The following CNTNAP2 variants were observed in gnomAD, a reference collection of about 807,000 sequenced individuals.
CNTNAP2 encodes the protein contactin-associated protein-like 2.
CNTNAP2 carries 98 observed loss-of-function variants against 155.2 expected under a neutral mutation model. The observed-to-expected ratio is 0.63, with a 90% confidence interval of 0.54 to 0.75. The LOEUF is 0.75. Among genes scored for constraint, CNTNAP2 ranks in the 30% least tolerant of loss-of-function variants. The probability of loss-of-function intolerance (pLI) is 0.00; values close to 1 mark genes in which losing one functional copy is unlikely to be tolerated. For missense variants in CNTNAP2, 1,727 were observed against 1,688.1 expected (o/e 1.02, Z -0.40); for synonymous variants, 651 against 631.2 (o/e 1.03, Z -0.47).
chr7:148,165,669 A>G (rs1805641347), intron 17 of CNTNAP2, among the ~76,000 whole-genome samples: 1 of 152,196 alleles, frequency 6.6e-6, no homozygotes. Context: ...GGACCTGGGA[A>G]GCTCACATGC....
chr7:148,062,318 G>A (rs761601429), intron 15 of CNTNAP2, among the ~76,000 whole-genome samples: 3 of 152,040 alleles, frequency 2.0e-5, no homozygotes, highest in Non-Finnish European at 4.4e-5. Flanking sequence ...ACTGAATTAT[G>A]GCAAGCGATT....
At chr7:146,780,667 A>G (rs982385730) in intron 2 of CNTNAP2, among the ~76,000 whole-genome samples, 1 of 152,114 alleles carries the variant, frequency 6.6e-6, no homozygotes, top group Admixed American at 6.5e-5. Context: ...TGTGGGACAT[A>G]TACACCACGG....
intron 13 of CNTNAP2, among the ~76,000 whole-genome samples, chr7:147,639,999 G>A (rs1795247055): frequency 6.6e-6 from 1 of 151,996 alleles, no homozygotes. Flanking sequence ...GCATCTCTGT[G>A]TCTGTAGTAA....
In CNTNAP2 at chr7:146,776,949, G is replaced by T. The variant is rs59134536; in HGVS notation, c.208+2568G>T. ...TACTTTCCTTATAGTAGTTTTGTCT[G>T]TAGTTTGTAGAATATATATTTATAT... On this transcript the variant is annotated intron_variant, in intron 2 of 23. Transcript: ENST00000361727. Among the ~76,000 whole-genome samples the T allele has an allele frequency of 5.5e-3, 832 of 152,196 alleles. 8 individuals carry two copies. The highest frequency in any genetic ancestry group is 0.019 in the African/African-American group (793 of 41,530).
At chr7:147,397,518 TTC>T (rs1188666556) in intron 10 of CNTNAP2, among the ~76,000 whole-genome samples, 3 of 152,060 alleles carry the variant, frequency 2.0e-5, no homozygotes, top group African/African-American at 7.2e-5. Context: ...ATGTTGCTGT[TTC>T]TCTCTAAACA....
intron 14 of CNTNAP2, among the ~76,000 whole-genome samples, chr7:147,914,006 T>G (rs1287956609): frequency 6.6e-6 from 1 of 151,182 alleles, no homozygotes; most frequent in Non-Finnish European, 1.5e-5. Flanking sequence ...TGTACCATCT[T>G]AAAAAAAATA....
chr7:147,365,077 C>A (rs1796205262), intron 9 of CNTNAP2, among the ~76,000 whole-genome samples: 1 of 152,026 alleles, frequency 6.6e-6, no homozygotes, highest in African/African-American at 2.4e-5. Context: ...TCTTTAATTT[C>A]TATTCTTTAC....
At chr7:147,092,982 G>C (rs1362588487) in intron 4 of CNTNAP2, among the ~76,000 whole-genome samples, 1 of 151,962 alleles carries the variant, frequency 6.6e-6, no homozygotes, top group East Asian at 1.9e-4. Context: ...CAGCACTTTG[G>C]GAGGCCGAGG....
intron 16 of CNTNAP2, among the ~76,000 whole-genome samples, chr7:148,145,065 G>T (rs932392153): frequency 6.6e-6 from 1 of 152,110 alleles, no homozygotes; most frequent in Non-Finnish European, 1.5e-5. Flanking sequence ...CCCTTTCCTT[G>T]GCTCTCACAG....
chr7:147,675,921 C>T (rs2215154), intron 13 of CNTNAP2, among the ~76,000 whole-genome samples: 2,492 of 152,018 alleles, frequency 0.016, 219 homozygotes, highest in Admixed American at 0.15. Context: ...TTAAAAATAA[C>T]GATATTTTAA....
chr7:147,547,877 T>C (rs560928994), intron 11 of CNTNAP2, among the ~76,000 whole-genome samples: 92 of 152,188 alleles, frequency 6.0e-4, no homozygotes, highest in Non-Finnish European at 9.7e-4. Flanking sequence ...TCTTTTCCTG[T>C]GTTAGTTTGC....
chr7:147,279,755 T>A (rs960195341), intron 8 of CNTNAP2, among the ~76,000 whole-genome samples: 1 of 151,852 alleles, frequency 6.6e-6, no homozygotes, highest in Non-Finnish European at 1.5e-5. Context: ...AAGTCAACAT[T>A]GACTTGAACC....
intron 1 of CNTNAP2, among the ~76,000 whole-genome samples, chr7:146,162,234 A>G (rs1394821739): frequency 6.6e-6 from 1 of 152,230 alleles, no homozygotes; most frequent in Non-Finnish European, 1.5e-5. Flanking sequence ...CAAGCTACAG[A>G]ATGGGAGAAA....
intron 14 of CNTNAP2, among the ~76,000 whole-genome samples, chr7:147,926,235 C>G (rs1800395959): frequency 6.6e-6 from 1 of 152,170 alleles, no homozygotes; most frequent in African/African-American, 2.4e-5. Context: ...CTCCACACCT[C>G]TCCCCACGCC....
intron 1 of CNTNAP2, among the ~76,000 whole-genome samples, chr7:146,622,976 G>C (rs1159169110): frequency 7.0e-6 from 1 of 142,998 alleles, no homozygotes; most frequent in Non-Finnish European, 1.5e-5. Flanking sequence ...AAAGAAAAAA[G>C]AAAAAAGAAA....
chr7:148,146,618 A>G (rs1447729624), intron 16 of CNTNAP2, among the ~76,000 whole-genome samples: 1 of 152,224 alleles, frequency 6.6e-6, no homozygotes, highest in Non-Finnish European at 1.5e-5. Flanking sequence ...CCTACAACCC[A>G]GATGGGGAAT....
At chr7:148,374,422 CT>C (rs1798944779) in intron 21 of CNTNAP2, among the ~76,000 whole-genome samples, 1 of 152,154 alleles carries the variant, frequency 6.6e-6, no homozygotes. Context: ...CCTTTCTACC[CT>C]TTTTTCCCCA....
intron 4 of CNTNAP2, among the ~76,000 whole-genome samples, chr7:147,103,564 A>G (rs1054783833): frequency 6.6e-6 from 1 of 151,974 alleles, no homozygotes; most frequent in Non-Finnish European, 1.5e-5. Flanking sequence ...CATTTTTACT[A>G]TTTTTTTAGA....
intron 21 of CNTNAP2, among the ~76,000 whole-genome samples, chr7:148,360,158 G>A (rs1798591388): frequency 6.6e-6 from 1 of 152,116 alleles, no homozygotes; most frequent in African/African-American, 2.4e-5. Flanking sequence ...GATACAACAA[G>A]CAACAACTCC....
Sources: allele counts gnomAD v4.1 joint callset (sites outside exome capture counted in the v4.1 genomes callset), GRCh38; gene constraint gnomAD v4.1.1; transcripts MANE v1.5; gene names NCBI Gene and HGNC (gene_info 2026-07-23, HGNC 2026-07-21).